Variants in MTPN observed in about 807,000 individuals in gnomAD.
MTPN encodes myotrophin.
MTPN carries 2 observed loss-of-function variants against 13.5 expected under a neutral mutation model. The ratio of observed to expected loss-of-function variants is 0.15; its 90% CI spans 0.06 to 0.47. The LOEUF is 0.47. Ranked by LOEUF, MTPN falls within the 20% of genes least tolerant of loss-of-function variation. MTPN has a pLI of 0.97. For missense variants in MTPN, 79 were observed against 137.9 expected, an observed-to-expected ratio of 0.57 and a Z score of 2.14; for synonymous variants, 46 against 51.7, an observed-to-expected ratio of 0.89 and a Z score of 0.48.
chr7:135,953,976 T>C, intron 1 of MTPN, among the ~76,000 whole-genome samples: 1 of 150,574 alleles, frequency 6.6e-6, no homozygotes, highest in Admixed American at 6.6e-5. Flanking sequence ...TGTAATATAA[T>C]GTATATATAT....
At position 135,973,950 on chromosome 7, in the gene MTPN, T is replaced by C. The variant is rs559475680; in HGVS notation, c.72+3079A>G. ...CTTAAGTCAGTCAAGAAGCCAAATGTAGTGTTGAAAGACTTTAAAATTGCT... is the reference window on the plus strand; with the variant it reads ...CTTAAGTCAGTCAAGAAGCCAAATGCAGTGTTGAAAGACTTTAAAATTGCT... On this transcript the variant is annotated intron_variant, in intron 1 of 3. Coordinates refer to ENST00000393085, the MANE Select transcript of MTPN (RefSeq NM_145808.4). Among the ~76,000 whole-genome samples, 9 of 152,330 alleles carry C rather than the reference T, an allele frequency of 5.9e-5. No individual in the cohort carries two copies. The East Asian group carries it at 1.4e-3, about 23-fold the overall frequency.
intron 3 of MTPN, among the ~76,000 whole-genome samples, chr7:135,939,386 G>A (rs925106264): frequency 4.6e-5 from 7 of 151,858 alleles, no homozygotes; most frequent in East Asian, 3.9e-4. Context: ...CTTCCAACCC[G>A]TTCTTCTTTG....
At chr7:135,969,110 G>A (rs1799652721) in intron 1 of MTPN, among the ~76,000 whole-genome samples, 2 of 118,932 alleles carry the variant, frequency 1.7e-5, no homozygotes, top group African/African-American at 3.1e-5. Context: ...AGGAGGGAGG[G>A]ATAGCATTGG....
intron 3 of MTPN, among the ~76,000 whole-genome samples, chr7:135,940,671 A>G (rs977645563): frequency 3.3e-5 from 5 of 152,240 alleles, no homozygotes; most frequent in Non-Finnish European, 7.3e-5. Context: ...TTTGTATTCT[A>G]TACCACATTT....
At chr7:135,961,746 T>C (rs986521153) in intron 1 of MTPN, among the ~76,000 whole-genome samples, 3 of 152,002 alleles carry the variant, frequency 2.0e-5, no homozygotes, top group Non-Finnish European at 4.4e-5. Flanking sequence ...TACTGAGAGA[T>C]ACCTAAAAGC....
Position 135,927,137 on chromosome 7 carries a change from G to GAA in MTPN, c.*2787_*2788dup. On this transcript the variant is annotated 3_prime_UTR_variant, in exon 4 of 4. Transcript: ENST00000393085. ...AAACAGCAGCTCAACTGAAATATTA[G>GAA]AAAAAAAAATCAAACAGATACATAC... 44 of 576,942 alleles carry GAA rather than the reference G, an allele frequency of 7.6e-5. No homozygotes were observed. Among genetic ancestry groups the GAA allele is most frequent in the East Asian group, 1.6e-4 (5 of 31,246 alleles). 35.7% of individuals were successfully genotyped at this position (576,942 alleles called of 1,614,324 possible).
In MTPN at chr7:135,927,886, A is replaced by G. The variant is rs1457269329; in HGVS notation, c.*2040T>C. 1 of 324,288 alleles carries G rather than the reference A, an allele frequency of 3.1e-6. No individual in the cohort carries two copies. The highest frequency in any genetic ancestry group is 9.0e-5 in the East Asian group (1 of 11,054). The allele number at this position is 324,288 out of a possible 1,614,324, so 20.1% of individuals were successfully genotyped here. Reference sequence around the variant, plus strand: ...AGACCAGGTTTAGGAATGATAGGACAATGCACTCTCTGCAATAGCCAACTA... The same window carrying G: ...AGACCAGGTTTAGGAATGATAGGACGATGCACTCTCTGCAATAGCCAACTA... On this transcript the variant is annotated 3_prime_UTR_variant, in exon 4 of 4. Transcript: ENST00000393085.
intron 3 of MTPN, among the ~76,000 whole-genome samples, chr7:135,936,871 A>G (rs1332422178): frequency 6.6e-6 from 1 of 152,192 alleles, no homozygotes; most frequent in Non-Finnish European, 1.5e-5. Flanking sequence ...CAAGTAATTT[A>G]TTGATCTTCA....
Position 135,967,870 on chromosome 7 carries a change from T to C in MTPN, c.72+9159A>G, listed in dbSNP as rs546574804. Among the ~76,000 whole-genome samples, 3 of 152,336 alleles carry C rather than the reference T, an allele frequency of 2.0e-5. No individual in the cohort carries two copies. The East Asian group carries it at 5.8e-4, about 29-fold the overall frequency. On this transcript the variant is annotated intron_variant, in intron 1 of 3. Transcript: ENST00000393085. ...GCCAACACATTTAGCCTCTATGCTA[T>C]GGTTTCACCAATAATGCAATTCCAA...
At chr7:135,934,125 T>C (rs1334971946) in intron 3 of MTPN, among the ~76,000 whole-genome samples, 2 of 152,200 alleles carry the variant, frequency 1.3e-5, no homozygotes, top group African/African-American at 2.4e-5. Flanking sequence ...TAGTTCTCTA[T>C]AGCAGTGTAA....
At chr7:135,938,248 G>A (rs1318504530) in intron 3 of MTPN, among the ~76,000 whole-genome samples, 1 of 152,112 alleles carries the variant, frequency 6.6e-6, no homozygotes, top group Non-Finnish European at 1.5e-5. Flanking sequence ...ATATGCATAT[G>A]GATTTACCTA....
At chr7:135,962,880 C>T (rs1182956700) in intron 1 of MTPN, among the ~76,000 whole-genome samples, 1 of 151,948 alleles carries the variant, frequency 6.6e-6, no homozygotes, top group Non-Finnish European at 1.5e-5. Flanking sequence ...GTTTTTAGAC[C>T]TTTCTTCAGG....
At chr7:135,964,070 A>G (rs963512717) in intron 1 of MTPN, among the ~76,000 whole-genome samples, 7 of 151,994 alleles carry the variant, frequency 4.6e-5, no homozygotes, top group Non-Finnish European at 8.8e-5. Context: ...TTTGGAAAAA[A>G]TTGTCAATTT....
intron 1 of MTPN, among the ~76,000 whole-genome samples, chr7:135,957,044 C>T (rs1487862692): frequency 6.6e-6 from 1 of 152,168 alleles, no homozygotes. Flanking sequence ...TCTTAAAACT[C>T]TTTCTTTTCA....
rs985329096 is a variant in MTPN at position 135,928,301 on chromosome 7, C to CACACCCACACACACCTAT, written c.*1607_*1624dup. 1 of 165,738 alleles carries CACACCCACACACACCTAT rather than the reference C, an allele frequency of 6.0e-6. No individual in the cohort carries two copies. Among genetic ancestry groups the CACACCCACACACACCTAT allele is most frequent in the African/African-American group, 2.5e-5 (1 of 40,186 alleles). 10.3% of individuals were successfully genotyped at this position (165,738 alleles called of 1,614,324 possible). The stretch of plus-strand genomic sequence containing the variant: ...GGACTCATGGGGAAAAATACACACA[C>CACACCCACACACACCTAT]ACACCCACACACACCTATACACCCA... On this transcript the variant is annotated 3_prime_UTR_variant, in exon 4 of 4. Transcript: ENST00000393085.
intron 1 of MTPN, among the ~76,000 whole-genome samples, chr7:135,958,637 G>C (rs1468501182): frequency 6.6e-6 from 1 of 152,122 alleles, no homozygotes; most frequent in Non-Finnish European, 1.5e-5. Flanking sequence ...TCTATCTCTT[G>C]CAGACACATG....
intron 1 of MTPN, 80 bp downstream of exon 1, chr7:135,976,949 A>G: frequency 9.2e-6 from 3 of 324,866 alleles, no homozygotes; most frequent in East Asian, 8.5e-5. Flanking sequence ...CCATCCCCGC[A>G]GTCCAGCTCC....
At chr7:135,935,487 A>G (rs1799101716) in intron 3 of MTPN, among the ~76,000 whole-genome samples, 1 of 152,028 alleles carries the variant, frequency 6.6e-6, no homozygotes, top group African/African-American at 2.4e-5. Context: ...TGATCCGCCC[A>G]CCTTAGCGTC....
chr7:135,954,082 A>G (rs1415241540), intron 1 of MTPN, among the ~76,000 whole-genome samples: 1 of 152,190 alleles, frequency 6.6e-6, no homozygotes, highest in Non-Finnish European at 1.5e-5. Flanking sequence ...GAGACCAGGT[A>G]CTTTCTAAAT....
Sources: allele counts gnomAD v4.1 joint callset (sites outside exome capture counted in the v4.1 genomes callset), GRCh38; gene constraint gnomAD v4.1.1; transcripts MANE v1.5; gene names NCBI Gene and HGNC (gene_info 2026-07-23, HGNC 2026-07-21).